Variants in ARHGAP24 observed in about 807,000 individuals in gnomAD.
ARHGAP24 encodes Rho GTPase activating protein 24.
Under a neutral mutation model 76.4 loss-of-function variants are expected in ARHGAP24, and 50 were observed. The ratio of observed to expected loss-of-function variants is 0.65; its 90% CI spans 0.52 to 0.83. The LOEUF is 0.83. ARHGAP24 is among the 40% of genes least tolerant of loss of function. The probability of loss-of-function intolerance (pLI) is 0.00; values close to 1 mark genes in which losing one functional copy is unlikely to be tolerated. For synonymous variants in ARHGAP24, 345 were observed against 323.3 expected (o/e 1.07, Z -0.72); for missense variants, 930 against 914.2 (o/e 1.02, Z -0.22).
chr4:86,000,457 C>CA, intron 9 of ARHGAP24, 22 bp from the exon 10 acceptor site: 1 of 667,030 alleles, frequency 1.5e-6, no homozygotes, highest in Admixed American at 2.9e-5. Flanking sequence ...CCACCCCCCA[C>CA]CCCCCCCAAC....
intron 2 of ARHGAP24, among the ~76,000 whole-genome samples, chr4:85,707,648 T>C (rs1423557620): frequency 6.6e-6 from 1 of 152,172 alleles, no homozygotes; most frequent in Non-Finnish European, 1.5e-5. Context: ...TTCTGCTCTT[T>C]GGACACATGT....
In ARHGAP24 at chr4:85,974,886, A is replaced by T. The variant is rs1560758321; in HGVS notation, c.733-2A>T. 3 of 1,613,186 alleles carry T rather than the reference A, an allele frequency of 1.9e-6. No homozygotes were observed. Among genetic ancestry groups the T allele is most frequent in the Non-Finnish European group, 2.5e-6 (3 of 1,179,394 alleles). On this transcript the variant is annotated splice_acceptor_variant, in intron 6 of 9. Coordinates refer to ENST00000395184, the MANE Select transcript of ARHGAP24 (RefSeq NM_001025616.3). LOFTEE classifies it high-confidence loss of function. Reference sequence around the variant, plus strand: ...AATATTTATTTTCTTCTTTGTACTCAGGGTGTTAAGGAATTAGCAAAGCAG... The same window carrying T: ...AATATTTATTTTCTTCTTTGTACTCTGGGTGTTAAGGAATTAGCAAAGCAG...
intron 3 of ARHGAP24, among the ~76,000 whole-genome samples, chr4:85,872,679 C>A (rs1438389986): frequency 7.3e-6 from 1 of 137,776 alleles, no homozygotes; most frequent in African/African-American, 2.7e-5. Context: ...CTCATTGCAA[C>A]CTCTGCCTCC....
intron 2 of ARHGAP24, among the ~76,000 whole-genome samples, chr4:85,624,817 G>A (rs1478702553): frequency 5.3e-5 from 8 of 152,066 alleles, no homozygotes; most frequent in African/African-American, 1.2e-4. Context: ...TGTATGTGTT[G>A]AGGAATTTAT....
chr4:85,911,627 G>T (rs576006654), intron 3 of ARHGAP24, among the ~76,000 whole-genome samples: 14 of 152,284 alleles, frequency 9.2e-5, no homozygotes, highest in African/African-American at 3.4e-4. Flanking sequence ...ATTTTTTAAG[G>T]TTTGGGAAGT....
intron 2 of ARHGAP24, among the ~76,000 whole-genome samples, chr4:85,716,859 T>C (rs1257418598): frequency 6.6e-6 from 1 of 152,118 alleles, no homozygotes; most frequent in Non-Finnish European, 1.5e-5. Flanking sequence ...TTTAGCCCAA[T>C]ACAAGTAGGA....
chr4:85,929,571 G>T (rs1248807216), intron 4 of ARHGAP24, among the ~76,000 whole-genome samples: 1 of 152,192 alleles, frequency 6.6e-6, no homozygotes, highest in Non-Finnish European at 1.5e-5. Context: ...GAAAGTACGG[G>T]CAAGAGCATG....
intron 2 of ARHGAP24, among the ~76,000 whole-genome samples, chr4:85,615,086 C>A (rs1289145283): frequency 1.3e-5 from 2 of 151,970 alleles, no homozygotes; most frequent in Non-Finnish European, 1.5e-5. Flanking sequence ...AATTTCTCTT[C>A]AATTTCATTT....
At chr4:85,814,680 T>C (rs905880215) in intron 3 of ARHGAP24, among the ~76,000 whole-genome samples, 1 of 152,162 alleles carries the variant, frequency 6.6e-6, no homozygotes, top group African/African-American at 2.4e-5. Flanking sequence ...CACAAGCTGG[T>C]GTTGAGTGTC....
Position 85,485,409 on chromosome 4 carries a change from ATATATC to A in ARHGAP24, c.-21+9852_-21+9857del, listed in dbSNP as rs1377704719. Among the ~76,000 whole-genome samples, 688 of 99,664 alleles carry A rather than the reference ATATATC, an allele frequency of 6.9e-3. 19 individuals are homozygous for A. The highest frequency in any genetic ancestry group is 0.028 in the African/African-American group (655 of 23,698). 65.4% of individuals were successfully genotyped at this position (99,664 alleles called of 152,430 possible). On this transcript the variant is annotated intron_variant, in intron 1 of 9. Transcript: ENST00000395184. The stretch of plus-strand genomic sequence containing the variant: ...TATATATATATATATATATATATAT[ATATATC>A]TCCTTGGATTTTTAAAATGTAGGCT...
intron 2 of ARHGAP24, among the ~76,000 whole-genome samples, chr4:85,637,813 TC>T (rs1456317788): frequency 1.3e-5 from 2 of 152,072 alleles, no homozygotes; most frequent in African/African-American, 4.8e-5. Flanking sequence ...ACATCAGTAT[TC>T]CTGTTGTACA....
chr4:85,627,545 G>T (rs1721005765), intron 2 of ARHGAP24, among the ~76,000 whole-genome samples: 1 of 152,182 alleles, frequency 6.6e-6, no homozygotes, highest in Non-Finnish European at 1.5e-5. Context: ...GAGGCAGTCT[G>T]CCTGTTCTCA....
At chr4:85,917,669 T>C (rs1427858844) in intron 3 of ARHGAP24, among the ~76,000 whole-genome samples, 1 of 152,166 alleles carries the variant, frequency 6.6e-6, no homozygotes, top group Non-Finnish European at 1.5e-5. Context: ...GCCAGTGATG[T>C]TGGCATTTTT....
At chr4:85,620,900 A>G (rs1204451729) in intron 2 of ARHGAP24, among the ~76,000 whole-genome samples, 1 of 152,042 alleles carries the variant, frequency 6.6e-6, no homozygotes, top group Non-Finnish European at 1.5e-5. Flanking sequence ...ATAGTACCCA[A>G]TAGGTAGTTT....
intron 3 of ARHGAP24, among the ~76,000 whole-genome samples, chr4:85,826,270 C>A (rs914412888): frequency 2.0e-5 from 3 of 152,200 alleles, no homozygotes; most frequent in South Asian, 2.1e-4. Flanking sequence ...CCATAGCTAA[C>A]CTTTCCCCTT....
At chr4:85,854,152 A>G (rs948940691) in intron 3 of ARHGAP24, among the ~76,000 whole-genome samples, 174 of 151,368 alleles carry the variant, frequency 1.1e-3, no homozygotes, top group African/African-American at 3.6e-3. Flanking sequence ...AAAAAAAAAA[A>G]AAAGAAAAAA....
At chr4:85,697,525 C>T (rs980211872) in intron 2 of ARHGAP24, among the ~76,000 whole-genome samples, 3 of 152,148 alleles carry the variant, frequency 2.0e-5, no homozygotes, top group Admixed American at 2.0e-4. Flanking sequence ...AATATGTCTG[C>T]ATAAAACCAG....
chr4:85,840,756 C>T (rs1156820094), intron 3 of ARHGAP24, among the ~76,000 whole-genome samples: 1 of 152,172 alleles, frequency 6.6e-6, no homozygotes, highest in Non-Finnish European at 1.5e-5. Flanking sequence ...TGTGACACAG[C>T]TTGTTGGTAA....
chr4:85,828,015 T>TAA, intron 3 of ARHGAP24: 1 of 1,265,120 alleles, frequency 7.9e-7, no homozygotes, highest in Non-Finnish European at 1.0e-6. Context: ...GGAGACAAAT[T>TAA]GCCAGGTATT....
Sources: gnomAD v4.1 joint callset for allele counts (sites outside exome capture counted in the v4.1 genomes callset) on GRCh38, gnomAD v4.1.1 for gene constraint, MANE v1.5 for transcripts, NCBI Gene and HGNC (gene_info 2026-07-23, HGNC 2026-07-21) for gene names.